Variants in SLC38A2 observed in about 807,000 individuals in gnomAD.
SLC38A2 encodes the protein sodium-coupled neutral amino acid symporter 2.
A neutral mutation model predicts 61.5 loss-of-function variants in SLC38A2; 11 were observed. The observed-to-expected ratio is 0.18, with a 90% CI of 0.11 to 0.30. The LOEUF is 0.30. Ranked by LOEUF, SLC38A2 falls within the 10% of genes least tolerant of loss-of-function variation. SLC38A2 has a pLI of 1.00. For synonymous variants in SLC38A2, 217 were observed against 212.5 expected (o/e 1.02, Z -0.18); for missense variants, 522 against 600.4 (o/e 0.87, Z 1.36).
Position 46,371,338 on chromosome 12 carries a change from C to T in SLC38A2, c.-45G>A. The T allele has an allele frequency of 1.3e-6, 2 of 1,513,380 alleles. No homozygotes were observed. Among genetic ancestry groups the T allele is most frequent in the East Asian group, 2.3e-5 (1 of 44,298 alleles). The allele number at this position is 1,513,380 out of a possible 1,614,324, so 93.7% of individuals were successfully genotyped here. A position where few individuals can be genotyped will look rare whatever the true frequency, so the allele number is the denominator to read the frequency against. Reference sequence around the variant, plus strand: ...CGGGTGCAGCTAGTAGCGCTGGGCTCCTTTTGTCCTTGGCGGTGGGTGCAG... The same window carrying T: ...CGGGTGCAGCTAGTAGCGCTGGGCTTCTTTTGTCCTTGGCGGTGGGTGCAG... On this transcript the variant is annotated 5_prime_UTR_variant, in exon 2 of 16. Coordinates refer to ENST00000256689, the MANE Select transcript of SLC38A2 (RefSeq NM_018976.5).
intron 15 of SLC38A2, 115 bp downstream of exon 15, chr12:46,362,169 G>A (rs1358498862): frequency 4.2e-5 from 35 of 823,696 alleles, no homozygotes; most frequent in Non-Finnish European, 6.4e-5. Flanking sequence ...AGAAATGTTT[G>A]CTGGAAACTT....
At chr12:46,362,911 C>G (rs886743659) in intron 13 of SLC38A2, 110 bp downstream of exon 13, 1 of 1,384,640 alleles carries the variant, frequency 7.2e-7, no homozygotes, top group Admixed American at 2.2e-5. Context: ...CCACCACCAA[C>G]TTAGTATTGT....
chr12:46,365,388 A>G, intron 7 of SLC38A2, 199 bp from the exon 8 acceptor site: 1 of 610,930 alleles, frequency 1.6e-6, no homozygotes, highest in Non-Finnish European at 2.9e-6. Flanking sequence ...TCAGGTTAGA[A>G]GTCGGGTATA....
At chr12:46,369,767 T>C (rs1943175194) in intron 4 of SLC38A2, among the ~76,000 whole-genome samples, 1 of 152,152 alleles carries the variant, frequency 6.6e-6, no homozygotes. Context: ...GACGCAAAAA[T>C]GGCTAAGAAC....
In SLC38A2 at chr12:46,371,846, G is replaced by A. The variant is rs536086500; in HGVS notation, c.-86-467C>T. On this transcript the variant is annotated intron_variant, in intron 1 of 15. Coordinates refer to ENST00000256689, the MANE Select transcript of SLC38A2 (RefSeq NM_018976.5). ...CCTTTACTGCCCGGAGTCCCCACAC[G>A]GAGAAATGCCTCTGCCGCAGACAGC... Among the ~76,000 whole-genome samples, 652 of 152,304 alleles carry A rather than the reference G, an allele frequency of 4.3e-3. 4 individuals are homozygous for A. The highest frequency in any genetic ancestry group is 0.015 in the African/African-American group (615 of 41,578).
chr12:46,371,314 G>C lies in SLC38A2; in HGVS notation c.-21C>G, dbSNP rs1470177705. 1 of 1,593,854 alleles carries C rather than the reference G, an allele frequency of 6.3e-7. No individual in the cohort carries two copies. The highest frequency in any genetic ancestry group is 8.6e-7 in the Non-Finnish European group (1 of 1,161,606). Reference sequence around the variant, plus strand: ...TTCATGCTAAGCACTGGGAGGAATCGGGTGCAGCTAGTAGCGCTGGGCTCC... The same window carrying C: ...TTCATGCTAAGCACTGGGAGGAATCCGGTGCAGCTAGTAGCGCTGGGCTCC... On this transcript the variant is annotated 5_prime_UTR_variant, in exon 2 of 16. Coordinates refer to ENST00000256689, the MANE Select transcript of SLC38A2 (RefSeq NM_018976.5).
At chr12:46,364,330 T>C (rs914844495) in intron 10 of SLC38A2, 59 bp downstream of exon 10, 21 of 1,477,696 alleles carry the variant, frequency 1.4e-5, no homozygotes, top group Admixed American at 2.4e-5. Context: ...TGGGAGTGAA[T>C]AGCTTCCCTC....
At position 46,370,621 on chromosome 12, in the gene SLC38A2, C is replaced by T; in HGVS notation, c.205G>A (p.Gly69Ser). The T allele has an allele frequency of 6.2e-7, 1 of 1,611,584 alleles. No homozygotes were observed. The highest frequency in any genetic ancestry group is 8.5e-7 in the Non-Finnish European group (1 of 1,177,684). Residue 69 changes from glycine (G) to serine (S), a missense_variant, in exon 4 of 16, where the codon GGT becomes AGT. By Grantham distance (56) the Gly-to-Ser change is moderately conservative. Transcript: ENST00000256689. ...KKKYETEFHP[G>S]TTSFGMSVFN... The stretch of plus-strand genomic sequence containing the variant: ...ACTGACATTCCAAAGGAAGTAGTAC[C>T]TGGATGCTACATAGAGGGAAAACGA...
At chr12:46,367,406 C>G (rs1943150427) in intron 4 of SLC38A2, 66 bp from the exon 5 acceptor site, 1 of 885,236 alleles carries the variant, frequency 1.1e-6, no homozygotes, top group East Asian at 2.4e-5. Flanking sequence ...ACAACTCTTT[C>G]TGGATGTTTA....
chr12:46,362,184 G>A, intron 15 of SLC38A2, 100 bp downstream of exon 15: 2 of 977,888 alleles, frequency 2.0e-6, no homozygotes, highest in South Asian at 3.9e-5. Flanking sequence ...AAACTTAAAA[G>A]TGAAACCATA....
At chr12:46,371,419 G>A in intron 1 of SLC38A2, 40 bp from the exon 2 acceptor site, 3 of 698,104 alleles carry the variant, frequency 4.3e-6, no homozygotes, top group Admixed American at 2.9e-5. Flanking sequence ...CGCAGCGCCA[G>A]CCCGCCGCGG....
chr12:46,369,057 C>T (rs775052082), intron 4 of SLC38A2, among the ~76,000 whole-genome samples: 1 of 152,148 alleles, frequency 6.6e-6, no homozygotes, highest in Non-Finnish European at 1.5e-5. Context: ...GACATAAGCA[C>T]CTATTAAAGT....
chr12:46,363,279 G>A, intron 12 of SLC38A2, 134 bp from the exon 13 acceptor site: 1 of 1,094,658 alleles, frequency 9.1e-7, no homozygotes, highest in Non-Finnish European at 1.3e-6. Context: ...AATAAGATTT[G>A]TTTGGAATTA....
In SLC38A2 at chr12:46,364,722, G is replaced by T. The variant is rs778109734; in HGVS notation, c.647-20C>A. ...AATATCCTATAAGGAGGGGTGGCAG[G>T]AATCAGTATTAGTTTAATGAAACAG... On this transcript the variant is annotated intron_variant, in intron 8 of 15. Transcript: ENST00000256689. 1.9e-6 allele frequency: 3 copies of T among 1,591,846 alleles called. No individual in the cohort carries two copies. Among genetic ancestry groups the T allele is most frequent in the African/African-American group, 2.7e-5 (2 of 73,550 alleles).
At chr12:46,368,585 G>A (rs183347841) in intron 4 of SLC38A2, among the ~76,000 whole-genome samples, 1 of 152,272 alleles carries the variant, frequency 6.6e-6, no homozygotes, top group East Asian at 1.9e-4. Context: ...CAAAGGAGAA[G>A]AGTTACATGT....
intron 4 of SLC38A2, among the ~76,000 whole-genome samples, chr12:46,370,113 T>G (rs1027149569): frequency 1.3e-5 from 2 of 152,204 alleles, no homozygotes; most frequent in African/African-American, 4.8e-5. Context: ...CACAGGTCCT[T>G]AAGAACTGTG....
chr12:46,372,373 G>A, intron 1 of SLC38A2, 136 bp downstream of exon 1: 1 of 254,174 alleles, frequency 3.9e-6, no homozygotes, highest in Non-Finnish European at 7.4e-6. Context: ...AGGCTGGCCA[G>A]CCCAACCGAC....
In SLC38A2 at chr12:46,360,941, A is replaced by C; in HGVS notation, c.*170T>G. ...TCTAACATACAGATAAGTTTCTTAA[A>C]AAAACAAAACAAAACAAAAAAGTTC... On this transcript the variant is annotated 3_prime_UTR_variant, in exon 16 of 16. Coordinates refer to ENST00000256689, the MANE Select transcript of SLC38A2 (RefSeq NM_018976.5). 1.7e-6 allele frequency: 1 copy of C among 572,620 alleles called. No individual in the cohort carries two copies. Among genetic ancestry groups the C allele is most frequent in the Non-Finnish European group, 3.0e-6 (1 of 328,326 alleles). 35.5% of individuals were successfully genotyped at this position (572,620 alleles called of 1,614,324 possible). A position where few individuals can be genotyped will look rare whatever the true frequency, so the allele number is the denominator to read the frequency against.
chr12:46,360,052 T>A lies in SLC38A2; in HGVS notation c.*1059A>T, dbSNP rs1943064012. On this transcript the variant is annotated 3_prime_UTR_variant, in exon 16 of 16. Transcript: ENST00000256689. ...CCAGTAGGTGAGCATTTTGAAAAAG[T>A]GTACTCTCTGGACACAATAATTTTG... The A allele has an allele frequency of 6.6e-6, 1 of 152,636 alleles. No homozygotes were observed. The highest frequency in any genetic ancestry group is 6.5e-5 in the Admixed American group (1 of 15,288). The allele number at this position is 152,636 out of a possible 1,614,324, so 9.5% of individuals were successfully genotyped here.
Sources: allele counts gnomAD v4.1 joint callset (sites outside exome capture counted in the v4.1 genomes callset), GRCh38; gene constraint gnomAD v4.1.1; transcripts MANE v1.5; gene names NCBI Gene and HGNC (gene_info 2026-07-23, HGNC 2026-07-21).